Variants in TRPC7 observed in about 807,000 individuals in gnomAD.
TRPC7 encodes the protein short transient receptor potential channel 7.
TRPC7 carries 42 observed loss-of-function variants against 90.1 expected under a neutral mutation model. The observed-to-expected ratio is 0.47, with a 90% confidence interval of 0.36 to 0.60. The LOEUF (loss-of-function observed/expected upper bound fraction) is 0.60, where lower values mean the gene tolerates loss of function less well. TRPC7 is among the 20% of genes least tolerant of loss of function. The pLI, the probability that TRPC7 is intolerant of heterozygous loss-of-function variation, is 0.00. For synonymous variants in TRPC7, 451 were observed against 436.3 expected, an observed-to-expected ratio of 1.03 and a Z score of -0.42; for missense variants, 955 against 1,112.3, an observed-to-expected ratio of 0.86 and a Z score of 2.01.
At chr5:136,256,432 A>C (rs867500504) in intron 5 of TRPC7, among the ~76,000 whole-genome samples, 1 of 152,158 alleles carries the variant, frequency 6.6e-6, no homozygotes, top group Non-Finnish European at 1.5e-5. Context: ...AATTCCCCCC[A>C]TAGAGAGAGA....
At chr5:136,274,270 A>G (rs1216000126) in intron 4 of TRPC7, among the ~76,000 whole-genome samples, 4 of 152,206 alleles carry the variant, frequency 2.6e-5, no homozygotes, top group Non-Finnish European at 5.9e-5. Context: ...GAGATATTCC[A>G]TGAAAAGGGC....
intron 2 of TRPC7, among the ~76,000 whole-genome samples, chr5:136,335,828 C>T (rs181008431): frequency 2.1e-4 from 31 of 146,636 alleles, no homozygotes; most frequent in African/African-American, 7.4e-4. Flanking sequence ...GGCGTGAACC[C>T]GGGAGGCGGA....
At chr5:136,312,273 T>C (rs1561714399) in intron 3 of TRPC7, among the ~76,000 whole-genome samples, 1 of 152,150 alleles carries the variant, frequency 6.6e-6, no homozygotes, top group Non-Finnish European at 1.5e-5. Context: ...GGAAGGAATT[T>C]TAGGCTTTAT....
At chr5:136,225,942 G>C (rs765788703) in intron 9 of TRPC7, 92 bp downstream of exon 9, 16 of 1,064,130 alleles carry the variant, frequency 1.5e-5, no homozygotes, top group Admixed American at 2.2e-5. Flanking sequence ...TGCATGGGGT[G>C]GGGGAGGGCA....
intron 2 of TRPC7, among the ~76,000 whole-genome samples, chr5:136,333,876 A>G (rs1440994687): frequency 1.3e-5 from 2 of 152,192 alleles, no homozygotes; most frequent in African/African-American, 2.4e-5. Context: ...GTAATCATGC[A>G]TTGCCCATAT....
intron 5 of TRPC7, among the ~76,000 whole-genome samples, chr5:136,261,014 C>G (rs150658393): frequency 6.6e-6 from 1 of 152,134 alleles, no homozygotes; most frequent in Admixed American, 6.5e-5. Flanking sequence ...CTAGCTGATA[C>G]GAGGCCTTCT....
chr5:136,218,876 G>A (rs931024615), intron 10 of TRPC7, among the ~76,000 whole-genome samples: 1 of 152,196 alleles, frequency 6.6e-6, no homozygotes, highest in Admixed American at 6.5e-5. Context: ...TGAGATGGGA[G>A]TTGTCATTTC....
intron 7 of TRPC7, among the ~76,000 whole-genome samples, chr5:136,237,262 T>A (rs554196696): frequency 6.6e-6 from 1 of 152,036 alleles, no homozygotes; most frequent in South Asian, 2.1e-4. Flanking sequence ...AGTAGAAGAG[T>A]CTGGGGCCAC....
chr5:136,262,552 G>T (rs1438344820), intron 5 of TRPC7, among the ~76,000 whole-genome samples: 1 of 152,156 alleles, frequency 6.6e-6, no homozygotes, highest in Non-Finnish European at 1.5e-5. Context: ...CTCAATGAAA[G>T]AAATTTGGTT....
chr5:136,290,135 C>T (rs980892475), intron 3 of TRPC7, among the ~76,000 whole-genome samples: 3 of 152,108 alleles, frequency 2.0e-5, no homozygotes, highest in African/African-American at 4.8e-5. Flanking sequence ...ACCAAAAACC[C>T]ACCTGTACGT....
At chr5:136,287,739 A>T (rs1256452071) in intron 3 of TRPC7, among the ~76,000 whole-genome samples, 2 of 147,858 alleles carry the variant, frequency 1.4e-5, no homozygotes, top group Admixed American at 1.3e-4. Flanking sequence ...ACCCAGAAAA[A>T]AAAAACCTCT....
At chr5:136,287,687 C>CAAAAAAAAAAAAAAAAAAAAAAAAA (rs767031610) in intron 3 of TRPC7, among the ~76,000 whole-genome samples, 3 of 59,520 alleles carry the variant, frequency 5.0e-5, no homozygotes, top group Non-Finnish European at 8.8e-5. Flanking sequence ...AGTGGATGCT[C>CAAAAAAAAAAAAAAAAAAAAAAAAA]AAAAAAAAAA....
At chr5:136,341,991 G>T (rs1759860523) in intron 2 of TRPC7, among the ~76,000 whole-genome samples, 1 of 152,078 alleles carries the variant, frequency 6.6e-6, no homozygotes, top group Admixed American at 6.6e-5. Flanking sequence ...CCCTCTTGTT[G>T]ATCCTTAGGA....
At chr5:136,257,715 C>A (rs916296115) in intron 5 of TRPC7, among the ~76,000 whole-genome samples, 6 of 152,128 alleles carry the variant, frequency 3.9e-5, no homozygotes, top group Non-Finnish European at 8.8e-5. Flanking sequence ...TGTGGTAATT[C>A]AGTGAAGTAA....
intron 4 of TRPC7, among the ~76,000 whole-genome samples, chr5:136,266,643 G>T (rs1452423598): frequency 6.6e-6 from 1 of 152,120 alleles, no homozygotes; most frequent in Non-Finnish European, 1.5e-5. Context: ...TTCCTATTTA[G>T]AAGACTTAGT....
chr5:136,287,467 G>A (rs1241209924), intron 3 of TRPC7, among the ~76,000 whole-genome samples: 1 of 151,772 alleles, frequency 6.6e-6, no homozygotes, highest in Admixed American at 6.6e-5. Context: ...CTGCCTTGGA[G>A]GTAGATGGAC....
chr5:136,341,128 A>G (rs897847062), intron 2 of TRPC7, among the ~76,000 whole-genome samples: 1 of 152,206 alleles, frequency 6.6e-6, no homozygotes, highest in Admixed American at 6.5e-5. Flanking sequence ...TGGAGAGTTT[A>G]ACTTACAGAT....
At chr5:136,308,149 T>C (rs1758708373) in intron 3 of TRPC7, among the ~76,000 whole-genome samples, 2 of 152,220 alleles carry the variant, frequency 1.3e-5, no homozygotes, top group Non-Finnish European at 2.9e-5. Flanking sequence ...TTTACATATA[T>C]ACATGCTGGA....
chr5:136,250,761 G>T (rs1213224108), intron 6 of TRPC7, among the ~76,000 whole-genome samples: 1 of 152,126 alleles, frequency 6.6e-6, no homozygotes, highest in African/African-American at 2.4e-5. Flanking sequence ...TGAGAAAAAA[G>T]AGCTCAGAAA....
Sources: gnomAD v4.1 joint callset for allele counts (sites outside exome capture counted in the v4.1 genomes callset) on GRCh38, gnomAD v4.1.1 for gene constraint, MANE v1.5 for transcripts, NCBI Gene and HGNC (gene_info 2026-07-23, HGNC 2026-07-21) for gene names.